The following MROH2B variants were observed in gnomAD, a reference collection of about 807,000 sequenced individuals.
MROH2B encodes maestro heat like repeat family member 2B, also known as maestro heat-like repeat-containing protein family member 2B.
Under a neutral mutation model 208.6 loss-of-function variants are expected in MROH2B, and 177 were observed. The ratio of observed to expected loss-of-function variants is 0.85; its 90% confidence interval spans 0.75 to 0.96. The LOEUF is 0.96. Ranked by LOEUF, MROH2B falls within the 40% of genes least tolerant of loss-of-function variation. The probability of loss-of-function intolerance (pLI) is 0.00; values close to 1 mark genes in which losing one functional copy is unlikely to be tolerated. For missense variants in MROH2B, 2,002 were observed against 1,878.7 expected (o/e 1.07, Z -1.21); for synonymous variants, 728 against 659.0 (o/e 1.10, Z -1.60).
chr5:41,065,616 G>T (rs1743784926), intron 3 of MROH2B, 126 bp from the exon 4 acceptor site: 3 of 782,158 alleles, frequency 3.8e-6, no homozygotes, highest in African/African-American at 1.8e-5. Flanking sequence ...GATTCAGGGG[G>T]TACATGTGCA....
chr5:41,032,647 T>A, intron 24 of MROH2B, 95 bp downstream of exon 24: 1 of 967,650 alleles, frequency 1.0e-6, no homozygotes, highest in Non-Finnish European at 1.6e-6. Context: ...GTTTTGGGAG[T>A]GTGTACTGAA....
chr5:41,047,587 A>T (rs551785066), intron 17 of MROH2B, 134 bp downstream of exon 17: 2 of 791,096 alleles, frequency 2.5e-6, no homozygotes, highest in African/African-American at 3.5e-5. Flanking sequence ...CACTTCTAAC[A>T]TTCTAATTCT....
At position 41,038,797 on chromosome 5, in the gene MROH2B, A is replaced by G. The variant is rs1298796038; in HGVS notation, c.2153T>C (p.Leu718Pro). 6.2e-7 allele frequency: 1 copy of G among 1,613,672 alleles called. No homozygotes were observed. The highest frequency in any genetic ancestry group is 2.2e-5 in the East Asian group (1 of 44,866). ...TATGATATCTTGATTAAGTCTGGAG[A>G]GAAGTTGCTTCTTGGGAGCATGGAG... Reference protein sequence around the residue: ...VALHAPKKQLLSRLNQDIISQ... With the variant: ...VALHAPKKQLPSRLNQDIISQ... The change falls in exon 21 of 42, where the codon CTC becomes CCC. Residue 718 changes from leucine (L) to proline (P), a missense_variant. Leu to Pro is a moderately conservative substitution (Grantham distance 98). Coordinates refer to ENST00000399564, the MANE Select transcript of MROH2B (RefSeq NM_173489.5).
At chr5:41,055,370 G>A (rs1346200955) in intron 10 of MROH2B, among the ~76,000 whole-genome samples, 2 of 152,084 alleles carry the variant, frequency 1.3e-5, no homozygotes, top group African/African-American at 4.8e-5. Flanking sequence ...ATAAAATATG[G>A]CAATTCGTTA....
chr5:41,060,126 A>G (rs79779468), intron 6 of MROH2B, among the ~76,000 whole-genome samples: 68 of 152,274 alleles, frequency 4.5e-4, no homozygotes, highest in African/African-American at 1.5e-3. Flanking sequence ...CTCCATCCTA[A>G]TAAGCATCCA....
chr5:41,024,333 A>G (rs28750433), intron 24 of MROH2B, among the ~76,000 whole-genome samples: 2,734 of 152,052 alleles, frequency 0.018, 115 homozygotes, highest in Admixed American at 0.09. Flanking sequence ...TAAAGGGATG[A>G]AGGAAGATAT....
At chr5:41,066,805 G>C (rs190573264) in intron 3 of MROH2B, among the ~76,000 whole-genome samples, 6 of 152,154 alleles carry the variant, frequency 3.9e-5, no homozygotes, top group African/African-American at 1.4e-4. Context: ...TTGGTTTCTA[G>C]TTATGTTACT....
chr5:41,012,797 C>A (rs1741816287), intron 29 of MROH2B, 62 bp from the exon 30 acceptor site: 2 of 1,590,464 alleles, frequency 1.3e-6, no homozygotes, highest in African/African-American at 1.3e-5. Flanking sequence ...TAGATACTTA[C>A]AACATGCTGT....
chr5:41,038,699 A>C, intron 21 of MROH2B, 37 bp downstream of exon 21: 1 of 1,565,300 alleles, frequency 6.4e-7, no homozygotes, highest in Non-Finnish European at 8.7e-7. Flanking sequence ...TAGGAACCCC[A>C]GCCTAGAAAT....
intron 35 of MROH2B, 119 bp downstream of exon 35, chr5:41,005,412 A>AT (rs1554046592): frequency 1.0e-5 from 2 of 191,750 alleles, no homozygotes; most frequent in Non-Finnish European, 2.0e-5. Context: ...TCCTCTATGA[A>AT]ACCCCCCCCC....
intron 29 of MROH2B, among the ~76,000 whole-genome samples, chr5:41,013,463 G>A (rs1486655849): frequency 2.6e-5 from 4 of 152,060 alleles, no homozygotes; most frequent in Admixed American, 2.6e-4. Context: ...CATTATCTGG[G>A]GATTTAACTA....
intron 13 of MROH2B, among the ~76,000 whole-genome samples, chr5:41,050,539 T>G (rs1272939359): frequency 6.6e-6 from 1 of 152,140 alleles, no homozygotes; most frequent in African/African-American, 2.4e-5. Context: ...CTTCTGGCTG[T>G]GCTATGTACT....
chr5:41,019,056 T>C, intron 24 of MROH2B, 38 bp from the exon 25 acceptor site: 1 of 1,612,526 alleles, frequency 6.2e-7, no homozygotes. Flanking sequence ...GATATTACAG[T>C]GACCATCAGA....
chr5:41,017,878 G>C lies in MROH2B; in HGVS notation c.2856C>G (p.Ser952Arg). ...TLPTIRQAAASSTIGLFYIKG... is the reference protein window; with the variant it reads ...TLPTIRQAAARSTIGLFYIKG... The stretch of plus-strand genomic sequence containing the variant: ...TTATATAGAACAGACCAATAGTTGA[G>C]CTAGCAGCCGCCTGACGGATGGTGG... Residue 952 changes from serine to arginine, a missense_variant, in exon 28 of 42, where the codon AGC (serine) becomes AGG (arginine). By Grantham distance (110) the Ser-to-Arg change is moderately radical. Transcript: ENST00000399564. 6.3e-7 allele frequency: 1 copy of C among 1,594,418 alleles called. No individual in the cohort carries two copies. Among genetic ancestry groups the C allele is most frequent in the Non-Finnish European group, 8.5e-7 (1 of 1,170,114 alleles).
Position 41,069,751 on chromosome 5 carries a change from C to T in MROH2B, c.30G>A (p.Glu10=). 2 of 1,595,002 alleles carry T rather than the reference C, an allele frequency of 1.3e-6. No individual in the cohort carries two copies. Among genetic ancestry groups the T allele is most frequent in the Non-Finnish European group, 1.7e-6 (2 of 1,166,288 alleles). Residue 10 remains glutamate (E), a splice_region_variant and synonymous_variant, in exon 2 of 42, where the codon GAG becomes GAA. Transcript: ENST00000399564. MTLSTEESI[E]MFGDINLTLG... ...GAGTGAGGTTAATATCCCCAAACAT[C>T]TCTAAAACGTACAGAAAAATATGAA...
rs1049980053 is a variant in MROH2B, at chr5:41,047,741, A to G, written c.1708T>C (p.Trp570Arg). 2 of 1,595,224 alleles carry G rather than the reference A, an allele frequency of 1.3e-6. No homozygotes were observed. The highest frequency in any genetic ancestry group is 1.7e-6 in the Non-Finnish European group (2 of 1,169,944). ...CTTACCTGAAGCAGCATGGTTTCCC[A>G]TAGAACGGTACTGATGTTCTTTCCT... ...LEGKNISTVL[W>R]ETMLLQLLKE... is the part of the protein sequence containing the mutation. The change falls in exon 17 of 42, where the codon TGG becomes CGG. Residue 570 changes from tryptophan to arginine, a missense_variant. Trp to Arg is a moderately radical substitution (Grantham distance 101). Coordinates refer to ENST00000399564, the MANE Select transcript of MROH2B (RefSeq NM_173489.5).
chr5:41,047,444 T>C (rs1249808797), intron 17 of MROH2B, among the ~76,000 whole-genome samples: 1 of 152,206 alleles, frequency 6.6e-6, no homozygotes, highest in Non-Finnish European at 1.5e-5. Context: ...ACTTGAAAAT[T>C]AGAGAAGATT....
Position 41,061,707 on chromosome 5 carries a change from T to C in MROH2B, c.478A>G (p.Lys160Glu). The part of the protein sequence containing the change: ...TFCIALEKFS[K>E]AIYKYVNHWR... ...TGGTTGACATATTTGTAAATGGCTTTGCTGAATTTCTCAAGGGCTGCATTT... is the reference window on the plus strand; with the variant it reads ...TGGTTGACATATTTGTAAATGGCTTCGCTGAATTTCTCAAGGGCTGCATTT... The change falls in exon 6 of 42, where the codon AAA (lysine) becomes GAA (glutamate). Residue 160 changes from lysine to glutamate, a missense_variant. Physicochemically the swap from Lys to Glu is moderately conservative, Grantham distance 56 (BLOSUM62 1). Transcript: ENST00000399564. 6.2e-7 allele frequency: 1 copy of C among 1,613,774 alleles called. No homozygotes were observed. The highest frequency in any genetic ancestry group is 8.5e-7 in the Non-Finnish European group (1 of 1,179,776).
intron 37 of MROH2B, among the ~76,000 whole-genome samples, chr5:41,003,736 G>A (rs2111799909): frequency 6.6e-6 from 1 of 152,282 alleles, no homozygotes; most frequent in South Asian, 2.1e-4. Context: ...CATCTCCTCT[G>A]ACAATACTAC....
Sources: allele counts gnomAD v4.1 joint callset (sites outside exome capture counted in the v4.1 genomes callset), GRCh38; gene constraint gnomAD v4.1.1; transcripts MANE v1.5; gene names NCBI Gene and HGNC (gene_info 2026-07-23, HGNC 2026-07-21).